The following CAMK1D variants were observed in gnomAD, a reference collection of about 807,000 sequenced individuals.
CAMK1D encodes the protein calcium/calmodulin-dependent protein kinase type 1D.
A neutral mutation model predicts 47.7 loss-of-function variants in CAMK1D; 9 were observed. The observed-to-expected ratio is 0.19, with a 90% CI of 0.11 to 0.33. CAMK1D has a LOEUF of 0.33. Ranked by LOEUF, CAMK1D falls within the 10% of genes least tolerant of loss-of-function variation. CAMK1D has a pLI of 1.00. For missense variants in CAMK1D, 291 were observed against 488.7 expected, an observed-to-expected ratio of 0.60 and a Z score of 3.81; for synonymous variants, 184 against 184.9, an observed-to-expected ratio of 0.99 and a Z score of 0.04.
chr10:12,450,562 G>T (rs537841946), intron 1 of CAMK1D, among the ~76,000 whole-genome samples: 3 of 152,196 alleles, frequency 2.0e-5, no homozygotes, highest in African/African-American at 7.2e-5. Context: ...CTCCAGCTGG[G>T]CTTGGCTTGT....
intron 4 of CAMK1D, among the ~76,000 whole-genome samples, chr10:12,763,162 C>T (rs1483785475): frequency 2.0e-5 from 3 of 152,158 alleles, no homozygotes; most frequent in Non-Finnish European, 2.9e-5. Context: ...GTAAAGAACA[C>T]TGCCATTTTA....
intron 2 of CAMK1D, among the ~76,000 whole-genome samples, chr10:12,617,108 C>T (rs1379791220): frequency 1.3e-5 from 2 of 151,868 alleles, no homozygotes; most frequent in Non-Finnish European, 2.9e-5. Context: ...ATTTTTTTTC[C>T]TCAAGGATGC....
chr10:12,525,183 A>G lies in CAMK1D; in HGVS notation c.93-28042A>G, dbSNP rs112195747. 6.6e-3 allele frequency among the ~76,000 whole-genome samples: 1,005 copies of G among 152,120 alleles called. 7 individuals are homozygous for G. The highest frequency in any genetic ancestry group is 0.023 in the African/African-American group (969 of 41,502). The stretch of plus-strand genomic sequence containing the variant: ...TTTTTCTTTATTTTTGATTTTTGGC[A>G]GTTTGATTGTTGTGTGGGTATTCTT... On this transcript the variant is annotated intron_variant, in intron 1 of 10. Transcript: ENST00000619168.
intron 6 of CAMK1D, among the ~76,000 whole-genome samples, chr10:12,808,389 A>C (rs1588953345): frequency 2.0e-5 from 3 of 152,348 alleles, no homozygotes; most frequent in Admixed American, 6.5e-5. Flanking sequence ...TAGGTGCAAC[A>C]CAAATACTTG....
chr10:12,717,710 G>C (rs1397919066), intron 3 of CAMK1D, among the ~76,000 whole-genome samples: 7 of 138,178 alleles, frequency 5.1e-5, no homozygotes, highest in Non-Finnish European at 1.1e-4. Flanking sequence ...ACATAGAGAG[G>C]CTTTGTCTCT....
At chr10:12,629,528 A>G (rs956673440) in intron 2 of CAMK1D, among the ~76,000 whole-genome samples, 1 of 152,100 alleles carries the variant, frequency 6.6e-6, no homozygotes, top group South Asian at 2.1e-4. Flanking sequence ...ACAGGGAGCA[A>G]AGTTAGAGGC....
chr10:12,372,985 G>A (rs1297773775), intron 1 of CAMK1D, among the ~76,000 whole-genome samples: 4 of 152,144 alleles, frequency 2.6e-5, no homozygotes, highest in Non-Finnish European at 4.4e-5. Context: ...AGCTGGTAAC[G>A]GAATTGTTTT....
At chr10:12,436,808 G>T (rs73587079) in intron 1 of CAMK1D, among the ~76,000 whole-genome samples, 2 of 152,142 alleles carry the variant, frequency 1.3e-5, no homozygotes, top group Admixed American at 1.3e-4. Context: ...CACAATACAC[G>T]TATTAAGTGC....
chr10:12,361,825 G>A (rs1433988237), intron 1 of CAMK1D, among the ~76,000 whole-genome samples: 4 of 151,960 alleles, frequency 2.6e-5, no homozygotes, highest in African/African-American at 7.3e-5. Context: ...CAAAGTGCTC[G>A]GATTACAGGT....
chr10:12,572,804 AT>A (rs1161247468), intron 2 of CAMK1D, among the ~76,000 whole-genome samples: 2 of 151,938 alleles, frequency 1.3e-5, no homozygotes, highest in Admixed American at 1.3e-4. Flanking sequence ...TAATTTTAAA[AT>A]TTTTTTGTAG....
At chr10:12,503,981 C>T (rs1244788653) in intron 1 of CAMK1D, among the ~76,000 whole-genome samples, 2 of 152,122 alleles carry the variant, frequency 1.3e-5, no homozygotes, top group Admixed American at 6.5e-5. Flanking sequence ...TTCCACAGGG[C>T]ACCTGCTTTC....
At chr10:12,622,384 T>A (rs891019941) in intron 2 of CAMK1D, among the ~76,000 whole-genome samples, 12 of 152,112 alleles carry the variant, frequency 7.9e-5, no homozygotes, top group African/African-American at 2.9e-4. Flanking sequence ...GTTTCTGGAT[T>A]GTTACCTTTT....
rs148462983 is a variant in CAMK1D at position 12,668,126 on chromosome 10, T to C, written c.299+1316T>C. 1.5e-3 allele frequency among the ~76,000 whole-genome samples: 236 copies of C among 152,310 alleles called. 1 individual carries two copies. The highest frequency in any genetic ancestry group is 5.4e-3 in the African/African-American group (225 of 41,562). ...TGTTTGCGTTACACTTTGCCGTATT[T>C]CTGGTTTTTCCTAGAGAGAGCTAGT... On this transcript the variant is annotated intron_variant, in intron 3 of 10. Transcript: ENST00000619168.
intron 3 of CAMK1D, among the ~76,000 whole-genome samples, chr10:12,667,738 G>T (rs1027299884): frequency 1.3e-5 from 2 of 152,182 alleles, no homozygotes; most frequent in African/African-American, 4.8e-5. Flanking sequence ...AGGGTATGGA[G>T]AATTGATGAT....
At chr10:12,431,996 C>T (rs1476796585) in intron 1 of CAMK1D, among the ~76,000 whole-genome samples, 1 of 152,196 alleles carries the variant, frequency 6.6e-6, no homozygotes, top group Non-Finnish European at 1.5e-5. Flanking sequence ...GACCATGTCT[C>T]CTTGAGCAGA....
chr10:12,542,052 T>A (rs1469844524), intron 1 of CAMK1D, among the ~76,000 whole-genome samples: 1 of 152,000 alleles, frequency 6.6e-6, no homozygotes, highest in Admixed American at 6.5e-5. Context: ...TTTTTGAATT[T>A]TTTTCTGGTA....
chr10:12,408,738 C>T (rs779659582), intron 1 of CAMK1D, among the ~76,000 whole-genome samples: 12 of 152,086 alleles, frequency 7.9e-5, no homozygotes, highest in South Asian at 2.1e-4. Context: ...GCAAACAGTA[C>T]GTGGTCTGTG....
intron 1 of CAMK1D, among the ~76,000 whole-genome samples, chr10:12,510,415 A>T (rs1179075660): frequency 1.9e-5 from 1 of 53,988 alleles, no homozygotes; most frequent in Non-Finnish European, 4.8e-5. Context: ...GACTCCGTCT[A>T]AAAAAAAATA....
intron 1 of CAMK1D, among the ~76,000 whole-genome samples, chr10:12,432,820 G>T (rs1405040639): frequency 3.3e-5 from 5 of 152,212 alleles, no homozygotes; most frequent in African/African-American, 1.2e-4. Flanking sequence ...CATTGGGCTG[G>T]TCTGTGCTGG....
Sources: gnomAD v4.1 joint callset for allele counts (sites outside exome capture counted in the v4.1 genomes callset) on GRCh38, gnomAD v4.1.1 for gene constraint, MANE v1.5 for transcripts, NCBI Gene and HGNC (gene_info 2026-07-23, HGNC 2026-07-21) for gene names.